Variants in MAP2K5 observed in about 807,000 individuals in gnomAD.
MAP2K5 encodes dual specificity mitogen-activated protein kinase kinase 5.
MAP2K5 carries 49 observed loss-of-function variants against 83.1 expected under a neutral mutation model. That is an observed-to-expected ratio of 0.59 (90% CI 0.47 to 0.75). MAP2K5 has a LOEUF of 0.75. MAP2K5 is among the 30% of genes least tolerant of loss of function. The pLI, the probability that MAP2K5 is intolerant of heterozygous loss-of-function variation, is 0.00. For missense variants in MAP2K5, 457 were observed against 557.5 expected, an observed-to-expected ratio of 0.82 and a Z score of 1.82; for synonymous variants, 202 against 191.8, an observed-to-expected ratio of 1.05 and a Z score of -0.44.
At position 67,777,405 on chromosome 15, in the gene MAP2K5, C is replaced by A. The variant is rs1365272245; in HGVS notation, c.1242+4653C>A. Among the ~76,000 whole-genome samples, 2 of 152,312 alleles carry A rather than the reference C, an allele frequency of 1.3e-5. No individual in the cohort carries two copies. Among genetic ancestry groups the A allele is most frequent in the South Asian group, 4.1e-4 (2 of 4,832 alleles). ...ATGGAATCTATGCATAGTAAGTAAT[C>A]AGGTCAGAAGAAGCAGCATCCCGGT... On this transcript the variant is annotated intron_variant, in intron 21 of 21. Transcript: ENST00000178640. The surrounding 1 kb of genome is among the most constrained non-coding windows in gnomAD (Gnocchi z 6.0).
intron 8 of MAP2K5, among the ~76,000 whole-genome samples, chr15:67,608,201 C>A (rs2085823656): frequency 6.6e-6 from 1 of 152,170 alleles, no homozygotes; most frequent in African/African-American, 2.4e-5. Flanking sequence ...GGCATAACAT[C>A]AGGGACTGAC....
At chr15:67,623,515 G>A (rs568557049) in intron 8 of MAP2K5, among the ~76,000 whole-genome samples, 31 of 152,124 alleles carry the variant, frequency 2.0e-4, no homozygotes, top group African/African-American at 6.7e-4. Flanking sequence ...TAACTAGCAC[G>A]TAGAGACACT....
chr15:67,752,047 TTTTGTTTGTTTG>T (rs777800677), intron 19 of MAP2K5, among the ~76,000 whole-genome samples: 24 of 152,186 alleles, frequency 1.6e-4, no homozygotes, highest in African/African-American at 5.8e-4. Context: ...CTTCGGTGTT[TTTTGTTTGTTTG>T]TTTGTTTGTT....
intron 8 of MAP2K5, among the ~76,000 whole-genome samples, chr15:67,619,481 T>G (rs2086130689): frequency 6.6e-6 from 1 of 152,124 alleles, no homozygotes. Flanking sequence ...AAAAAGAGGA[T>G]CTAGGAGGAG....
chr15:67,581,162 T>C (rs575062613), intron 4 of MAP2K5, among the ~76,000 whole-genome samples: 1 of 152,324 alleles, frequency 6.6e-6, no homozygotes, highest in East Asian at 1.9e-4. Flanking sequence ...TGGCTCATGA[T>C]GGTGGCCAAA....
At position 67,644,146 on chromosome 15, in the gene MAP2K5, C is replaced by A. The variant is rs2086779874; in HGVS notation, c.586-2085C>A. ...CGGTGGCTCACGCCTGTAATCCCAG[C>A]ACTTTGGGAGGCTGAGGCAGGTGGA... On this transcript the variant is annotated intron_variant, in intron 9 of 21. Transcript: ENST00000178640. The surrounding 1 kb of genome is among the most constrained non-coding windows in gnomAD (Gnocchi z 4.6). Among the ~76,000 whole-genome samples the A allele has an allele frequency of 6.6e-6, 1 of 152,138 alleles. No homozygotes were observed. The highest frequency in any genetic ancestry group is 2.4e-5 in the African/African-American group (1 of 41,430).
chr15:67,641,161 T>C (rs969646325), intron 9 of MAP2K5, among the ~76,000 whole-genome samples: 2 of 152,230 alleles, frequency 1.3e-5, no homozygotes, highest in East Asian at 3.8e-4. Context: ...CACTATTGTT[T>C]GTTTTCTAAG....
rs1443168945 is a variant in MAP2K5 at position 67,755,369 on chromosome 15, T to C, written c.1134+6768T>C. 6.6e-6 allele frequency among the ~76,000 whole-genome samples: 1 copy of C among 152,172 alleles called. No homozygotes were observed. The highest frequency in any genetic ancestry group is 1.5e-5 in the Non-Finnish European group (1 of 68,022). On this transcript the variant is annotated intron_variant, in intron 19 of 21. Transcript: ENST00000178640. This position sits in a 1 kb window ranked among gnomAD's most constrained non-coding sequence, Gnocchi z 4.7. ...AGTCCTCCATTTTCTCATCCCCCTT[T>C]GTTCAGTGTCACCCTCTTCTAGAAC...
Position 67,563,146 on chromosome 15 carries a change from C to A in MAP2K5, c.185-137C>A. On this transcript the variant is annotated intron_variant, in intron 2 of 21. Transcript: ENST00000178640. The surrounding 1 kb of genome is among the most constrained non-coding windows in gnomAD (Gnocchi z 4.5). Reference sequence around the variant, plus strand: ...TCCAAATGGAAAACAAAACAACAAACTAATAATGTCAACATACCCCCAAAA... The same window carrying A: ...TCCAAATGGAAAACAAAACAACAAAATAATAATGTCAACATACCCCCAAAA... 1.1e-6 allele frequency: 1 copy of A among 905,348 alleles called. No homozygotes were observed. The highest frequency in any genetic ancestry group is 1.6e-6 in the Non-Finnish European group (1 of 640,600). 56.1% of individuals were successfully genotyped at this position (905,348 alleles called of 1,614,324 possible). A position where few individuals can be genotyped will look rare whatever the true frequency, so the allele number is the denominator to read the frequency against.
At chr15:67,591,344 CAAA>C (rs1034766907) in intron 6 of MAP2K5, among the ~76,000 whole-genome samples, 1 of 132,136 alleles carries the variant, frequency 7.6e-6, no homozygotes, top group African/African-American at 2.8e-5. Context: ...GACTCTGTCT[CAAA>C]AAAAAAAAAG....
rs943937654 is a variant in MAP2K5 at position 67,802,167 on chromosome 15, T to C, written c.1243-4479T>C. ...GAAGGCATCTCAGCACAGTGGAACA[T>C]GTGGCCAGGAATTAGGGACGTTAGT... On this transcript the variant is annotated intron_variant, in intron 21 of 21. Coordinates refer to ENST00000178640, the MANE Select transcript of MAP2K5 (RefSeq NM_145160.3). This position sits in a 1 kb window ranked among gnomAD's most constrained non-coding sequence, Gnocchi z 5.0. Among the ~76,000 whole-genome samples, 1 of 152,146 alleles carries C rather than the reference T, an allele frequency of 6.6e-6. No homozygotes were observed. Among genetic ancestry groups the C allele is most frequent in the African/African-American group, 2.4e-5 (1 of 41,416 alleles).
intron 12 of MAP2K5, among the ~76,000 whole-genome samples, chr15:67,659,740 T>C (rs1489476777): frequency 2.6e-5 from 4 of 152,110 alleles, no homozygotes; most frequent in Admixed American, 6.6e-5. Context: ...AGGATACCAA[T>C]TGAAAAAGAA....
chr15:67,625,305 T>C (rs1180448233), intron 8 of MAP2K5, among the ~76,000 whole-genome samples: 1 of 152,210 alleles, frequency 6.6e-6, no homozygotes, highest in African/African-American at 2.4e-5. Flanking sequence ...TATGTGTGTG[T>C]GCTCAATTTT....
In MAP2K5 at chr15:67,565,985, A is replaced by G. The variant is rs536106510; in HGVS notation, c.252+2635A>G. The stretch of plus-strand genomic sequence containing the variant: ...GAGAACCATTTGGACGTAACCTTAC[A>G]GTAGGTTTTGATTGGTAGTCCTCAT... On this transcript the variant is annotated intron_variant, in intron 3 of 21. Transcript: ENST00000178640. This position sits in a 1 kb window ranked among gnomAD's most constrained non-coding sequence, Gnocchi z 4.1. Among the ~76,000 whole-genome samples the G allele has an allele frequency of 5.3e-5, 8 of 152,272 alleles. No homozygotes were observed. The highest frequency in any genetic ancestry group is 1.9e-4 in the African/African-American group (8 of 41,544).
chr15:67,658,679 T>C, intron 12 of MAP2K5, 65 bp downstream of exon 12: 1 of 1,304,980 alleles, frequency 7.7e-7, no homozygotes, highest in Non-Finnish European at 1.1e-6. Flanking sequence ...AGCTCATTCT[T>C]CTTATATTCT....
At chr15:67,756,517 G>GTGTA (rs1898097161) in intron 19 of MAP2K5, among the ~76,000 whole-genome samples, 1 of 30,400 alleles carries the variant, frequency 3.3e-5, no homozygotes, top group East Asian at 5.6e-4. Flanking sequence ...CACAGTTACT[G>GTGTA]TGTGTGTGTG....
At position 67,561,319 on chromosome 15, in the gene MAP2K5, G is replaced by A. The variant is rs952541175; in HGVS notation, c.185-1964G>A. Among the ~76,000 whole-genome samples, 4 of 152,046 alleles carry A rather than the reference G, an allele frequency of 2.6e-5. No homozygotes were observed. The East Asian group carries it at 7.7e-4, about 29-fold the overall frequency. ...TTTCGCCTTAACCTTGAAAATATTA[G>A]TTTCTAGAACTTATATATAGACAGA... On this transcript the variant is annotated intron_variant, in intron 2 of 21. Coordinates refer to ENST00000178640, the MANE Select transcript of MAP2K5 (RefSeq NM_145160.3). The surrounding 1 kb of genome is among the most constrained non-coding windows in gnomAD (Gnocchi z 4.2).
rs2084686725 is a variant in MAP2K5, at chr15:67,559,212, C to G, written c.185-4071C>G. Among the ~76,000 whole-genome samples the G allele has an allele frequency of 6.6e-6, 1 of 152,202 alleles. No individual in the cohort carries two copies. Among genetic ancestry groups the G allele is most frequent in the Non-Finnish European group, 1.5e-5 (1 of 68,046 alleles). On this transcript the variant is annotated intron_variant, in intron 2 of 21. Transcript: ENST00000178640. This position sits in a 1 kb window ranked among gnomAD's most constrained non-coding sequence, Gnocchi z 4.7. ...CAGTAGTTCTAATTGCCACCTGGCA[C>G]AGAAGGAGTGTGACAAATGACATAT... is the stretch of plus-strand genomic sequence containing the variant.
At chr15:67,653,444 G>T (rs2086997854) in intron 11 of MAP2K5, among the ~76,000 whole-genome samples, 2 of 151,794 alleles carry the variant, frequency 1.3e-5, no homozygotes. Context: ...CAGCTACTCT[G>T]TGCCACCATG....
Sources: allele counts gnomAD v4.1 joint callset (sites outside exome capture counted in the v4.1 genomes callset), GRCh38; gene constraint gnomAD v4.1.1; non-coding constraint Gnocchi (gnomAD v3.1); transcripts MANE v1.5; gene names NCBI Gene and HGNC (gene_info 2026-07-23, HGNC 2026-07-21).